Variants in UNC80 observed in about 807,000 individuals in gnomAD.
UNC80 encodes the protein protein unc-80 homolog.
UNC80 carries 164 observed loss-of-function variants against 384.6 expected under a neutral mutation model. The observed-to-expected ratio is 0.43, with a 90% CI of 0.38 to 0.49. The LOEUF is 0.49. Ranked by LOEUF, UNC80 falls within the 20% of genes least tolerant of loss-of-function variation. The probability of loss-of-function intolerance (pLI) is 0.00; values close to 1 mark genes in which losing one functional copy is unlikely to be tolerated. For missense variants in UNC80, 3,330 were observed against 4,143.0 expected (o/e 0.80, Z 5.39); for synonymous variants, 1,486 against 1,527.8 (o/e 0.97, Z 0.64).
chr2:209,772,488 G>A (rs1322034189), intron 1 of UNC80, among the ~76,000 whole-genome samples: 1 of 151,986 alleles, frequency 6.6e-6, no homozygotes, highest in Non-Finnish European at 1.5e-5. Flanking sequence ...GTGCTCCTGC[G>A]TCCAATTCCC....
intron 4 of UNC80, among the ~76,000 whole-genome samples, chr2:209,781,315 CAG>C (rs1207815095): frequency 5.3e-5 from 8 of 152,126 alleles, no homozygotes; most frequent in African/African-American, 1.7e-4. Flanking sequence ...AATTGAGATC[CAG>C]AGAGATAATA....
At chr2:209,950,066 A>C (rs147220356) in intron 47 of UNC80, among the ~76,000 whole-genome samples, 1 of 151,618 alleles carries the variant, frequency 6.6e-6, no homozygotes. Context: ...TCCTGAGCTC[A>C]AGTGTTCCTC....
chr2:209,812,518 T>G (rs1204669561), intron 7 of UNC80, among the ~76,000 whole-genome samples: 1 of 152,202 alleles, frequency 6.6e-6, no homozygotes, highest in Non-Finnish European at 1.5e-5. Context: ...GCGTTTTTTG[T>G]GAGAGCACTT....
Position 209,939,567 on chromosome 2 carries a change from C to A in UNC80, c.6561C>A (p.Ser2187=). The A allele has an allele frequency of 6.4e-7, 1 of 1,551,830 alleles. No homozygotes were observed. ...CAGCCCACAAACAGTCCCACGTCTC[C>A]ATGCTTCAGGAAGACCTCCTCCGCC... ...IPTAHKQSHV[S]MLQEDLLRLP... Residue 2187 remains serine (S), a synonymous_variant, in exon 43 of 65, where the codon TCC becomes TCA. Coordinates refer to ENST00000673920, the MANE Select transcript of UNC80 (RefSeq NM_001371986.1).
chr2:209,937,042 T>G (rs897685153), intron 41 of UNC80, 109 bp downstream of exon 41: 3 of 702,874 alleles, frequency 4.3e-6, no homozygotes, highest in Non-Finnish European at 7.4e-6. Flanking sequence ...GGTAATAGTA[T>G]GGCCACCTGG....
At chr2:209,820,889 T>C (rs1333622401) in intron 13 of UNC80, among the ~76,000 whole-genome samples, 1 of 152,198 alleles carries the variant, frequency 6.6e-6, no homozygotes, top group Non-Finnish European at 1.5e-5. Flanking sequence ...TCTATTGCCA[T>C]CCAAGCAGTG....
At chr2:209,931,160 T>C in intron 38 of UNC80, 106 bp downstream of exon 38, 1 of 804,210 alleles carries the variant, frequency 1.2e-6, no homozygotes, top group Non-Finnish European at 1.9e-6. Flanking sequence ...TAAAGGCAAA[T>C]CCTGGTCAAC....
intron 32 of UNC80, 140 bp downstream of exon 32, chr2:209,918,098 A>G (rs1455133125): frequency 1.3e-6 from 1 of 785,752 alleles, no homozygotes. Flanking sequence ...AACCTAACAT[A>G]CATGAATGCA....
At position 209,976,099 on chromosome 2, in the gene UNC80, T is replaced by A. The variant is rs1559425392; in HGVS notation, c.8588-20T>A. 1 of 1,539,874 alleles carries A rather than the reference T, an allele frequency of 6.5e-7. No individual in the cohort carries two copies. The highest frequency in any genetic ancestry group is 8.8e-7 in the Non-Finnish European group (1 of 1,141,750). The stretch of plus-strand genomic sequence containing the variant: ...AAGCACACGTCCGCAGGCTCATTTT[T>A]CTCTTTTCCCGGTGTGAAGCGCTGA... On this transcript the variant is annotated intron_variant, in intron 56 of 64. Coordinates refer to ENST00000673920, the MANE Select transcript of UNC80 (RefSeq NM_001371986.1). This position sits in a 1 kb window ranked among gnomAD's most constrained non-coding sequence, Gnocchi z 4.3.
intron 28 of UNC80, among the ~76,000 whole-genome samples, chr2:209,903,599 A>ATATATGTAATATATATAC (rs1226212692): frequency 6.1e-3 from 21 of 3,464 alleles, no homozygotes; most frequent in South Asian, 0.017. Flanking sequence ...TATATATACT[A>ATATATGTAATATATATAC]TATATATAGT....
chr2:209,811,628 G>A (rs909113287), intron 7 of UNC80, among the ~76,000 whole-genome samples: 1 of 152,150 alleles, frequency 6.6e-6, no homozygotes, highest in East Asian at 1.9e-4. Flanking sequence ...TAGCATATAC[G>A]GGAATTTAGG....
chr2:209,816,840 G>A, intron 9 of UNC80, 69 bp from the exon 10 acceptor site: 2 of 1,408,112 alleles, frequency 1.4e-6, no homozygotes, highest in Non-Finnish European at 2.0e-6. Flanking sequence ...AGATCATGGA[G>A]CCCCTTGGGA....
intron 5 of UNC80, among the ~76,000 whole-genome samples, chr2:209,788,700 G>A (rs933329151): frequency 5.3e-5 from 8 of 150,612 alleles, no homozygotes; most frequent in Non-Finnish European, 7.4e-5. Context: ...GCTGTATTAT[G>A]TATTTGTTTT....
intron 9 of UNC80, among the ~76,000 whole-genome samples, chr2:209,816,420 G>A (rs372280892): frequency 4.6e-5 from 7 of 152,122 alleles, no homozygotes; most frequent in African/African-American, 1.7e-4. Context: ...ATTTAAAGTT[G>A]GCTAACTGAA....
intron 41 of UNC80, 62 bp downstream of exon 41, chr2:209,936,995 G>C: frequency 8.4e-7 from 1 of 1,189,258 alleles, no homozygotes; most frequent in Non-Finnish European, 1.2e-6. Context: ...GCCTACCTGA[G>C]GGTGGCTCAC....
chr2:209,840,432 TA>T, intron 19 of UNC80, 109 bp from the exon 20 acceptor site: 1 of 880,870 alleles, frequency 1.1e-6, no homozygotes, highest in African/African-American at 1.7e-5. Flanking sequence ...TTTTTCTATT[TA>T]TACCAAGCCA....
intron 6 of UNC80, among the ~76,000 whole-genome samples, chr2:209,792,170 G>C (rs1307320360): frequency 6.6e-6 from 1 of 152,100 alleles, no homozygotes; most frequent in African/African-American, 2.4e-5. Flanking sequence ...GGGACATAGT[G>C]GCACATGCCT....
At chr2:209,805,419 G>C (rs376976236) in intron 7 of UNC80, among the ~76,000 whole-genome samples, 1 of 152,182 alleles carries the variant, frequency 6.6e-6, no homozygotes, top group African/African-American at 2.4e-5. Flanking sequence ...AACAAAGGAC[G>C]TTTATTTTTT....
intron 29 of UNC80, 86 bp from the exon 30 acceptor site, chr2:209,912,474 T>C: frequency 1.3e-6 from 1 of 754,838 alleles, no homozygotes; most frequent in Middle Eastern, 2.5e-4. Context: ...TAGAAGATGG[T>C]TGCCTGGAGA....
Sources: allele counts gnomAD v4.1 joint callset (sites outside exome capture counted in the v4.1 genomes callset), GRCh38; gene constraint gnomAD v4.1.1; non-coding constraint Gnocchi (gnomAD v3.1); transcripts MANE v1.5; gene names NCBI Gene and HGNC (gene_info 2026-07-23, HGNC 2026-07-21).